RBFOX1: variants seen among roughly 807,000 people sequenced by gnomAD.
RBFOX1 encodes the protein RNA binding fox-1 homolog 1.
In RBFOX1, 8 loss-of-function variants were observed where a neutral mutation model predicts 57.7. The ratio of observed to expected loss-of-function variants is 0.14; its 90% CI spans 0.08 to 0.25. The LOEUF is 0.25. Ranked by LOEUF, RBFOX1 falls within the 10% of genes least tolerant of loss-of-function variation. The pLI is 1.00. For missense variants in RBFOX1, 611 were observed against 548.5 expected, an observed-to-expected ratio of 1.11 and a Z score of -1.14; for synonymous variants, 326 against 222.4, an observed-to-expected ratio of 1.47 and a Z score of -4.15.
chr16:6,793,292 T>C (rs1165773451), intron 3 of RBFOX1, among the ~76,000 whole-genome samples: 1 of 152,208 alleles, frequency 6.6e-6, no homozygotes, highest in Non-Finnish European at 1.5e-5. Context: ...GCTTAGATTT[T>C]ACATAAAATT....
chr16:6,968,999 A>T (rs921716193), intron 3 of RBFOX1, among the ~76,000 whole-genome samples: 1 of 152,090 alleles, frequency 6.6e-6, no homozygotes, highest in African/African-American at 2.4e-5. Context: ...ATATCTGAGC[A>T]AAGTCAGAAT....
chr16:7,095,850 A>G (rs766006766), intron 4 of RBFOX1, among the ~76,000 whole-genome samples: 6 of 151,836 alleles, frequency 4.0e-5, no homozygotes, highest in Non-Finnish European at 8.8e-5. Context: ...TTCTGTACTA[A>G]AAATACAAAA....
At position 7,332,995 on chromosome 16, in the gene RBFOX1, G is replaced by C. The variant is rs535330462; in HGVS notation, c.28-185152G>C. 389 of 1,613,504 alleles carry C rather than the reference G, an allele frequency of 2.4e-4. 2 individuals carry two copies. The South Asian group carries it at 3.9e-3, about 16-fold the overall frequency. Reference sequence around the variant, plus strand: ...GCTTCAGAGGGAATAATAACTCTACGTAAAGCATGCTGGCGTCTCAAGGAG... The same window carrying C: ...GCTTCAGAGGGAATAATAACTCTACCTAAAGCATGCTGGCGTCTCAAGGAG... On this transcript the variant is annotated intron_variant, in intron 4 of 15. Coordinates refer to ENST00000550418, the MANE Select transcript of RBFOX1 (RefSeq NM_018723.4).
At position 6,438,735 on chromosome 16, in the gene RBFOX1, A is replaced by G. The variant is rs539630953; in HGVS notation, c.-64+121678A>G. On this transcript the variant is annotated intron_variant, in intron 2 of 15. Coordinates refer to ENST00000550418, the MANE Select transcript of RBFOX1 (RefSeq NM_018723.4). ...CCATAGACATTTCCTGAGCCTGTAT[A>G]AGAGCCTCACCATGCATATAAGCAA... Among the ~76,000 whole-genome samples the G allele has an allele frequency of 1.9e-4, 29 of 152,288 alleles. No homozygotes were observed. The South Asian group carries it at 4.4e-3, about 23-fold the overall frequency.
chr16:5,481,750 C>T (rs1023947374), intron 2 of RBFOX1, among the ~76,000 whole-genome samples: 10 of 152,136 alleles, frequency 6.6e-5, no homozygotes, highest in Non-Finnish European at 1.3e-4. Flanking sequence ...CTGGAGGCTG[C>T]GAGTATGAGA....
chr16:7,411,675 G>A (rs936426426), intron 4 of RBFOX1, among the ~76,000 whole-genome samples: 17 of 152,086 alleles, frequency 1.1e-4, no homozygotes, highest in African/African-American at 4.1e-4. Flanking sequence ...TGGCCAAGGT[G>A]GGTGGATCAC....
At chr16:6,149,879 G>A (rs2096785566) in intron 1 of RBFOX1, among the ~76,000 whole-genome samples, 1 of 152,142 alleles carries the variant, frequency 6.6e-6, no homozygotes, top group Non-Finnish European at 1.5e-5. Flanking sequence ...ACTCTAAATT[G>A]CTATACAAAT....
intron 4 of RBFOX1, among the ~76,000 whole-genome samples, chr16:7,321,585 T>A (rs1421584445): frequency 6.6e-6 from 1 of 152,210 alleles, no homozygotes; most frequent in Non-Finnish European, 1.5e-5. Context: ...CTGTGTCTTG[T>A]TTTCCTCACA....
At chr16:6,563,789 G>A (rs558354279) in intron 2 of RBFOX1, among the ~76,000 whole-genome samples, 12 of 152,000 alleles carry the variant, frequency 7.9e-5, no homozygotes, top group African/African-American at 2.7e-4. Context: ...CTGAGCCACT[G>A]CAATCCAGTC....
At chr16:6,503,671 A>G (rs1038670248) in intron 2 of RBFOX1, among the ~76,000 whole-genome samples, 1 of 152,122 alleles carries the variant, frequency 6.6e-6, no homozygotes, top group Admixed American at 6.6e-5. Flanking sequence ...CAGTGTAGCA[A>G]TCTCTAACTG....
chr16:6,710,480 G>C (rs550182003), intron 3 of RBFOX1, among the ~76,000 whole-genome samples: 5 of 152,134 alleles, frequency 3.3e-5, no homozygotes, highest in African/African-American at 4.8e-5. Context: ...CATGCTGACA[G>C]TGCACCTCCA....
intron 1 of RBFOX1, among the ~76,000 whole-genome samples, chr16:6,040,873 C>T (rs1157878110): frequency 6.6e-6 from 1 of 152,144 alleles, no homozygotes; most frequent in Non-Finnish European, 1.5e-5. Flanking sequence ...GGATTACAGG[C>T]TTGAGCCACC....
intron 3 of RBFOX1, among the ~76,000 whole-genome samples, chr16:6,784,942 G>T (rs144159224): frequency 2.6e-4 from 40 of 152,102 alleles, no homozygotes; most frequent in African/African-American, 9.2e-4. Flanking sequence ...AGCACAAGCA[G>T]TGTTTCTTAA....
At chr16:7,210,915 GA>G (rs907990419) in intron 4 of RBFOX1, among the ~76,000 whole-genome samples, 10 of 148,626 alleles carry the variant, frequency 6.7e-5, no homozygotes, top group South Asian at 2.1e-4. Flanking sequence ...CACTATAAAA[GA>G]AAAAAAAATT....
At chr16:6,680,679 G>A (rs574646230) in intron 3 of RBFOX1, among the ~76,000 whole-genome samples, 2 of 152,150 alleles carry the variant, frequency 1.3e-5, no homozygotes, top group East Asian at 1.9e-4. Flanking sequence ...AAAGTTTACC[G>A]CTTAGAGGTA....
At chr16:5,492,507 G>C (rs987895060) in intron 2 of RBFOX1, among the ~76,000 whole-genome samples, 1 of 152,202 alleles carries the variant, frequency 6.6e-6, no homozygotes, top group Non-Finnish European at 1.5e-5. Context: ...CAGCCTGTGA[G>C]CTTAGACCTG....
chr16:7,703,447 C>T (rs960747195), intron 14 of RBFOX1, among the ~76,000 whole-genome samples: 1 of 150,522 alleles, frequency 6.6e-6, no homozygotes, highest in African/African-American at 2.5e-5. Flanking sequence ...ATTCACCCAG[C>T]TATCTCTGGG....
At chr16:6,546,454 G>A (rs2096897025) in intron 2 of RBFOX1, among the ~76,000 whole-genome samples, 3 of 152,098 alleles carry the variant, frequency 2.0e-5, no homozygotes, top group Admixed American at 1.3e-4. Context: ...AACCTGTAAG[G>A]GAATTCTGCC....
intron 1 of RBFOX1, among the ~76,000 whole-genome samples, chr16:6,253,883 GTCACAACAGCAATTGGAATA>G (rs1485234373): frequency 1.3e-5 from 2 of 151,974 alleles, no homozygotes; most frequent in Non-Finnish European, 2.9e-5. Context: ...GAGCAGCCCC[GTCACAACAGCAATTGGAATA>G]AAACCCCAAA....
Sources: allele counts gnomAD v4.1 joint callset (sites outside exome capture counted in the v4.1 genomes callset), GRCh38; gene constraint gnomAD v4.1.1; transcripts MANE v1.5; gene names NCBI Gene and HGNC (gene_info 2026-07-23, HGNC 2026-07-21).